EXD1: variants seen among roughly 807,000 people sequenced by gnomAD.
EXD1 encodes exonuclease 3'-5' domain containing 1.
A neutral mutation model predicts 49.1 loss-of-function variants in EXD1; 63 were observed. The observed-to-expected ratio is 1.28, with a 90% CI of 1.05 to 1.58. EXD1 has a LOEUF of 1.58. EXD1 is among the 40% of genes most tolerant of loss of function. EXD1 has a pLI of 0.00. For missense variants in EXD1, 748 were observed against 666.0 expected, an observed-to-expected ratio of 1.12 and a Z score of -1.36; for synonymous variants, 234 against 239.2, an observed-to-expected ratio of 0.98 and a Z score of 0.20.
chr15:41,211,041 C>A (rs1595448757), intron 6 of EXD1, among the ~76,000 whole-genome samples: 1 of 152,246 alleles, frequency 6.6e-6, no homozygotes, highest in East Asian at 1.9e-4. Flanking sequence ...CTTCAAACTT[C>A]CAGAGCAAAA....
chr15:41,182,813 A>C lies in EXD1; in HGVS notation c.*1118T>G, dbSNP rs2046343806. On this transcript the variant is annotated 3_prime_UTR_variant, in exon 12 of 12. Coordinates refer to ENST00000458580, the MANE Select transcript of EXD1 (RefSeq NM_001286441.2). Reference sequence around the variant, plus strand: ...GCAATTTGCAAGCATTCAATACTTTAAAAGGCTCAATACAAGCTGCCTTCC... The same window carrying C: ...GCAATTTGCAAGCATTCAATACTTTCAAAGGCTCAATACAAGCTGCCTTCC... 1 of 152,208 alleles carries C rather than the reference A, an allele frequency of 6.6e-6. No homozygotes were observed. The highest frequency in any genetic ancestry group is 2.4e-5 in the African/African-American group (1 of 41,462). The allele number at this position is 152,208 out of a possible 1,614,324, so 9.4% of individuals were successfully genotyped here. A position where few individuals can be genotyped will look rare whatever the true frequency, so the allele number is the denominator to read the frequency against.
chr15:41,189,822 T>C, intron 11 of EXD1, 115 bp downstream of exon 11: 4 of 1,010,138 alleles, frequency 4.0e-6, no homozygotes, highest in Non-Finnish European at 5.9e-6. Context: ...TCAAGAGTAT[T>C]TATCCCCAAG....
intron 7 of EXD1, among the ~76,000 whole-genome samples, chr15:41,196,814 G>A (rs1566978742): frequency 6.6e-6 from 1 of 151,732 alleles, no homozygotes. Context: ...TGATCCACCC[G>A]TATCAGCCTC....
intron 7 of EXD1, among the ~76,000 whole-genome samples, chr15:41,202,109 A>G (rs1450110839): frequency 2.0e-5 from 3 of 152,000 alleles, no homozygotes; most frequent in African/African-American, 7.2e-5. Context: ...TATAGCTACA[A>G]TTGCCAGACC....
At chr15:41,212,687 C>T (rs1234259199) in intron 6 of EXD1, among the ~76,000 whole-genome samples, 1 of 152,034 alleles carries the variant, frequency 6.6e-6, no homozygotes, top group Non-Finnish European at 1.5e-5. Context: ...AAGAAACAAC[C>T]CAAATGTCCA....
At chr15:41,209,476 TAA>T (rs779367677) in intron 7 of EXD1, 23 bp downstream of exon 7, 5 of 1,600,844 alleles carry the variant, frequency 3.1e-6, no homozygotes, top group Admixed American at 3.5e-5. Context: ...TACTTCAAAA[TAA>T]AAAGTTTTCA....
intron 1 of EXD1, among the ~76,000 whole-genome samples, chr15:41,229,900 T>G (rs997674883): frequency 6.6e-6 from 1 of 152,072 alleles, no homozygotes; most frequent in African/African-American, 2.4e-5. Context: ...TAACTTAAGT[T>G]GACCTGGGAA....
At chr15:41,195,689 C>A in intron 9 of EXD1, 86 bp downstream of exon 9, 50 of 903,774 alleles carry the variant, frequency 5.5e-5, no homozygotes, top group Admixed American at 6.8e-5. Flanking sequence ...ATTAAAAAGA[C>A]TTTCACTCAT....
At chr15:41,197,499 G>T (rs533203838) in intron 7 of EXD1, among the ~76,000 whole-genome samples, 1 of 151,052 alleles carries the variant, frequency 6.6e-6, no homozygotes, top group African/African-American at 2.4e-5. Context: ...AAAGCGCTGG[G>T]ATTACAGGCA....
chr15:41,219,867 T>G lies in EXD1; in HGVS notation c.165A>C (p.Pro55=), dbSNP rs1296615103. Reference sequence around the variant, plus strand: ...CATGCCCAAAAAACAACTTCACTCCTGGGACACTTCGACCTGTCTCCACAT... The same window carrying G: ...CATGCCCAAAAAACAACTTCACTCCGGGGACACTTCGACCTGTCTCCACAT... The part of the protein sequence containing the change: ...VKNVETGRSV[P]GVKLFFGHEI... The change falls in exon 3 of 12, where the codon CCA becomes CCC. Residue 55 remains proline (P), a synonymous_variant. Coordinates refer to ENST00000458580, the MANE Select transcript of EXD1 (RefSeq NM_001286441.2). 1 of 1,535,848 alleles carries G rather than the reference T, an allele frequency of 6.5e-7. No homozygotes were observed. The highest frequency in any genetic ancestry group is 1.2e-5 in the South Asian group (1 of 84,028).
chr15:41,199,739 G>GATATATATTACATATA (rs777473507), intron 7 of EXD1, among the ~76,000 whole-genome samples: 2 of 79,378 alleles, frequency 2.5e-5, no homozygotes, highest in African/African-American at 1.0e-4. Flanking sequence ...TGATATATAT[G>GATATATATTACATATA]TCATATATTA....
intron 6 of EXD1, among the ~76,000 whole-genome samples, chr15:41,212,881 A>G (rs981253690): frequency 1.3e-5 from 2 of 152,106 alleles, no homozygotes; most frequent in Non-Finnish European, 2.9e-5. Context: ...TCTACAAAAA[A>G]TATAAAAGAA....
At chr15:41,214,039 C>A (rs1019442861) in intron 6 of EXD1, among the ~76,000 whole-genome samples, 5 of 151,972 alleles carry the variant, frequency 3.3e-5, no homozygotes, top group African/African-American at 9.7e-5. Flanking sequence ...CAGTGGCAGG[C>A]GCCTGTAGTC....
chr15:41,190,367 A>T lies in EXD1; in HGVS notation c.865-239T>A, dbSNP rs538801289. The T allele has an allele frequency of 9.4e-5, 40 of 423,556 alleles. No homozygotes were observed. The East Asian group carries it at 1.8e-3, about 20-fold the overall frequency. The allele number at this position is 423,556 out of a possible 1,614,324, so 26.2% of individuals were successfully genotyped here. On this transcript the variant is annotated intron_variant, in intron 10 of 11. Transcript: ENST00000458580. ...ACGCGCCTGTAGTCCCAGCTACTCA[A>T]GAAGCTGAGGCAGGAGAATCGCTTA... is the stretch of plus-strand genomic sequence containing the variant.
chr15:41,213,530 T>C (rs2046954455), intron 6 of EXD1, among the ~76,000 whole-genome samples: 1 of 143,570 alleles, frequency 7.0e-6, no homozygotes, highest in African/African-American at 2.9e-5. Context: ...TGTTTTGTTG[T>C]TTTTTGAGAC....
chr15:41,229,295 T>A (rs58436082), intron 1 of EXD1, among the ~76,000 whole-genome samples: 24,428 of 151,988 alleles, frequency 0.16, 3,599 homozygotes, highest in African/African-American at 0.39. Flanking sequence ...CTAGACAATA[T>A]GGTGAAACCC....
At chr15:41,205,000 A>G (rs1436396346) in intron 7 of EXD1, among the ~76,000 whole-genome samples, 1 of 152,188 alleles carries the variant, frequency 6.6e-6, no homozygotes, top group Non-Finnish European at 1.5e-5. Context: ...TTAACATTAG[A>G]TCATATCTTT....
In EXD1 at chr15:41,191,458, C is replaced by T. The variant is rs1289065178; in HGVS notation, c.848G>A (p.Arg283Lys). The T allele has an allele frequency of 3.7e-6, 6 of 1,610,138 alleles. No individual in the cohort carries two copies. The East Asian group carries it at 1.1e-4, about 30-fold the overall frequency. Residue 283 changes from arginine (R) to lysine (K), a missense_variant, in exon 10 of 12, where the codon AGA becomes AAA. By Grantham distance (26) the Arg-to-Lys change is conservative. Transcript: ENST00000458580. ...TACACCCACCTGAATTAGTTTTTGT[C>T]TCTTTTCTAGAAAGGAGAGATATTT... ...APKYLSFLEK[R>K]QKLIQENPEV...
At chr15:41,229,037 C>A (rs1371936098) in intron 1 of EXD1, among the ~76,000 whole-genome samples, 1 of 152,150 alleles carries the variant, frequency 6.6e-6, no homozygotes, top group East Asian at 1.9e-4. Flanking sequence ...AAGGGACATT[C>A]ATGGGGCTGA....
Sources: gnomAD v4.1 joint callset for allele counts (sites outside exome capture counted in the v4.1 genomes callset) on GRCh38, gnomAD v4.1.1 for gene constraint, MANE v1.5 for transcripts, NCBI Gene and HGNC (gene_info 2026-07-23, HGNC 2026-07-21) for gene names.